The following SND1 variants were observed in gnomAD, a reference collection of about 807,000 sequenced individuals.
The protein encoded by SND1 is staphylococcal nuclease and tudor domain containing 1.
A neutral mutation model predicts 121.7 loss-of-function variants in SND1; 38 were observed. The ratio of observed to expected loss-of-function variants is 0.31; its 90% CI spans 0.24 to 0.41. SND1 has a LOEUF of 0.41. Ranked by LOEUF, SND1 falls within the 10% of genes least tolerant of loss-of-function variation. The pLI is 1.00. For missense variants in SND1, 868 were observed against 1,184.6 expected (o/e 0.73, Z 3.92); for synonymous variants, 401 against 447.4 (o/e 0.90, Z 1.31).
intron 15 of SND1, among the ~76,000 whole-genome samples, chr7:127,989,603 C>T (rs1402429369): frequency 1.3e-5 from 2 of 151,882 alleles, no homozygotes; most frequent in African/African-American, 2.4e-5. Flanking sequence ...ATCTCTTGTA[C>T]GTTCCCTTGA....
intron 9 of SND1, chr7:127,718,805 T>C: frequency 1.1e-6 from 1 of 910,960 alleles, no homozygotes. Flanking sequence ...TCTCTAAGCA[T>C]GACTAGGGAG....
chr7:127,657,176 T>C (rs1252968854), intron 1 of SND1, among the ~76,000 whole-genome samples: 1 of 152,176 alleles, frequency 6.6e-6, no homozygotes, highest in Non-Finnish European at 1.5e-5. Context: ...GCTCTGGGCA[T>C]TGGAGAAACA....
chr7:128,073,481 C>G (rs1338855021), intron 16 of SND1, among the ~76,000 whole-genome samples: 2 of 152,150 alleles, frequency 1.3e-5, no homozygotes, highest in Non-Finnish European at 2.9e-5. Flanking sequence ...ACACCCAGAC[C>G]ACCTCCTTGT....
intron 16 of SND1, among the ~76,000 whole-genome samples, chr7:128,071,043 C>T (rs1478893153): frequency 6.6e-6 from 1 of 152,198 alleles, no homozygotes; most frequent in Non-Finnish European, 1.5e-5. Context: ...CATGTTATTG[C>T]ATTTTTCATG....
intron 11 of SND1, among the ~76,000 whole-genome samples, chr7:127,812,371 G>A (rs554257780): frequency 6.6e-6 from 1 of 152,288 alleles, no homozygotes; most frequent in South Asian, 2.1e-4. Flanking sequence ...TCTTTGAGAT[G>A]TCCCTGTGAA....
At chr7:127,892,151 A>G (rs1800020073) in intron 13 of SND1, among the ~76,000 whole-genome samples, 1 of 152,102 alleles carries the variant, frequency 6.6e-6, no homozygotes, top group African/African-American at 2.4e-5. Flanking sequence ...CTTTGGGGAA[A>G]GGGCAGCCCA....
chr7:127,998,011 A>G (rs1370576803), intron 16 of SND1: 2 of 527,082 alleles, frequency 3.8e-6, no homozygotes, highest in East Asian at 5.5e-5. Flanking sequence ...CTATGACCCA[A>G]GTCTCTCCCC....
At chr7:127,820,859 GGACCTTTCT>G (rs902214856) in intron 11 of SND1, among the ~76,000 whole-genome samples, 4 of 152,222 alleles carry the variant, frequency 2.6e-5, no homozygotes, top group African/African-American at 9.6e-5. Context: ...TGGATCCCTG[GGACCTTTCT>G]GACCTTAGCA....
At chr7:127,855,281 G>C (rs1799253445) in intron 12 of SND1, among the ~76,000 whole-genome samples, 1 of 151,868 alleles carries the variant, frequency 6.6e-6, no homozygotes, top group Non-Finnish European at 1.5e-5. Context: ...CACCCCACCT[G>C]GCTAATTTTT....
At chr7:127,792,704 G>A (rs1187558015) in intron 10 of SND1, among the ~76,000 whole-genome samples, 1 of 152,186 alleles carries the variant, frequency 6.6e-6, no homozygotes, top group Admixed American at 6.5e-5. Flanking sequence ...GGGACTCCAA[G>A]GTCTTGGGAC....
intron 16 of SND1, among the ~76,000 whole-genome samples, chr7:128,014,895 C>A (rs1228162436): frequency 6.6e-6 from 1 of 152,186 alleles, no homozygotes; most frequent in African/African-American, 2.4e-5. Flanking sequence ...AGCAGAAGAG[C>A]CTGCCTTAGC....
Position 127,701,176 on chromosome 7 carries a change from C to T in SND1, c.442C>T (p.Arg148Trp), listed in dbSNP as rs114284568. 107 of 1,613,902 alleles carry T rather than the reference C, an allele frequency of 6.6e-5. 1 individual carries two copies. In the African/African-American group the frequency reaches 1.1e-3, roughly 16 times the overall value. Residue 148 changes from arginine to tryptophan, a missense_variant, in exon 5 of 24, where the codon CGG becomes TGG. Coordinates refer to ENST00000354725, the MANE Select transcript of SND1 (RefSeq NM_014390.4). ...GMRANNPEQNRLSECEEQAKA... is the reference protein window; with the variant it reads ...GMRANNPEQNWLSECEEQAKA... ...TTTATGTCCCAGTCCTGAGCAGAACCGGCTTTCAGAATGTGAAGAACAAGC... is the reference window on the plus strand; with the variant it reads ...TTTATGTCCCAGTCCTGAGCAGAACTGGCTTTCAGAATGTGAAGAACAAGC...
chr7:128,051,279 G>C (rs1266112570), intron 16 of SND1, among the ~76,000 whole-genome samples: 1 of 152,206 alleles, frequency 6.6e-6, no homozygotes, highest in Non-Finnish European at 1.5e-5. Context: ...AGATGAACAA[G>C]ACTTTTTACT....
chr7:127,920,566 G>A (rs1210852473), intron 14 of SND1, among the ~76,000 whole-genome samples: 13 of 152,252 alleles, frequency 8.5e-5, no homozygotes, highest in Non-Finnish European at 2.9e-5. Context: ...GGGACAGTTT[G>A]GGATGAGGTA....
intron 12 of SND1, among the ~76,000 whole-genome samples, chr7:127,849,911 A>G (rs1362131253): frequency 6.6e-6 from 1 of 152,174 alleles, no homozygotes; most frequent in African/African-American, 2.4e-5. Context: ...GGCTCGGGAC[A>G]TCTTAGATAA....
chr7:127,776,400 A>G (rs2116509148), intron 10 of SND1, among the ~76,000 whole-genome samples: 1 of 152,326 alleles, frequency 6.6e-6, no homozygotes, highest in Non-Finnish European at 1.5e-5. Context: ...TGAAAAAACA[A>G]TAAATTTATG....
chr7:128,026,893 C>G (rs1803491758), intron 16 of SND1, among the ~76,000 whole-genome samples: 1 of 152,112 alleles, frequency 6.6e-6, no homozygotes, highest in African/African-American at 2.4e-5. Flanking sequence ...TTTATTTAAG[C>G]TAAGGAAAGG....
chr7:128,075,285 C>T (rs756755337), intron 17 of SND1, among the ~76,000 whole-genome samples: 25 of 152,196 alleles, frequency 1.6e-4, no homozygotes, highest in Non-Finnish European at 3.7e-4. Flanking sequence ...CTCACCCAGC[C>T]TGTTGCTTTT....
At chr7:127,865,973 C>T (rs1175214307) in intron 12 of SND1, among the ~76,000 whole-genome samples, 1 of 150,816 alleles carries the variant, frequency 6.6e-6, no homozygotes, top group Non-Finnish European at 1.5e-5. Flanking sequence ...ATCTTACTCT[C>T]ATTTCATAGC....
Sources: gnomAD v4.1 joint callset for allele counts (sites outside exome capture counted in the v4.1 genomes callset) on GRCh38, gnomAD v4.1.1 for gene constraint, MANE v1.5 for transcripts, NCBI Gene and HGNC (gene_info 2026-07-23, HGNC 2026-07-21) for gene names.